The following HS6ST3 variants were observed in gnomAD, a reference collection of about 807,000 sequenced individuals.
HS6ST3 encodes the protein heparan-sulfate 6-O-sulfotransferase 3.
Under a neutral mutation model 36.7 loss-of-function variants are expected in HS6ST3, and 12 were observed. That is an observed-to-expected ratio of 0.33 (90% CI 0.21 to 0.53). The LOEUF (loss-of-function observed/expected upper bound fraction) is 0.53. Among genes scored for constraint, HS6ST3 ranks in the 20% least tolerant of loss-of-function variants. HS6ST3 has a pLI of 0.95. For missense variants in HS6ST3, 584 were observed against 640.9 expected (o/e 0.91, Z 0.96); for synonymous variants, 240 against 257.5 (o/e 0.93, Z 0.65).
intron 1 of HS6ST3, among the ~76,000 whole-genome samples, chr13:96,755,517 A>C (rs1162173211): frequency 2.0e-5 from 3 of 152,052 alleles, no homozygotes. Context: ...GGTGCCAGCC[A>C]CCATGCCTGG....
chr13:96,663,135 G>C (rs1018746679), intron 1 of HS6ST3, among the ~76,000 whole-genome samples: 1 of 152,168 alleles, frequency 6.6e-6, no homozygotes, highest in Non-Finnish European at 1.5e-5. Flanking sequence ...GGCTGGGGGA[G>C]CTCCTGGTGA....
intron 1 of HS6ST3, among the ~76,000 whole-genome samples, chr13:96,688,442 G>C (rs1419718139): frequency 6.6e-6 from 1 of 151,950 alleles, no homozygotes; most frequent in Non-Finnish European, 1.5e-5. Context: ...GATTGGTTTA[G>C]TCTGGATCCA....
chr13:96,427,545 TA>T (rs2055593319), intron 1 of HS6ST3, among the ~76,000 whole-genome samples: 1 of 151,776 alleles, frequency 6.6e-6, no homozygotes, highest in Admixed American at 6.6e-5. Flanking sequence ...ACATTATTTA[TA>T]TTATGATATA....
At chr13:96,707,373 T>C (rs1181243675) in intron 1 of HS6ST3, among the ~76,000 whole-genome samples, 1 of 152,180 alleles carries the variant, frequency 6.6e-6, no homozygotes, top group Non-Finnish European at 1.5e-5. Flanking sequence ...TTCCTAACTA[T>C]GAGAAATAAA....
At chr13:96,237,080 T>C (rs1363440624) in intron 1 of HS6ST3, among the ~76,000 whole-genome samples, 3 of 152,124 alleles carry the variant, frequency 2.0e-5, no homozygotes, top group Admixed American at 6.6e-5. Flanking sequence ...TCATGAGAAG[T>C]TGCTCAGGAG....
intron 1 of HS6ST3, among the ~76,000 whole-genome samples, chr13:96,346,030 C>G (rs146188455): frequency 6.6e-6 from 1 of 152,246 alleles, no homozygotes; most frequent in African/African-American, 2.4e-5. Context: ...ATAGTTTTCA[C>G]ACTCCTGTGA....
intron 1 of HS6ST3, among the ~76,000 whole-genome samples, chr13:96,585,251 G>A (rs143802175): frequency 8.6e-5 from 13 of 151,950 alleles, no homozygotes; most frequent in African/African-American, 2.9e-4. Flanking sequence ...ATAGGGTTTA[G>A]TTATGTTTTA....
chr13:96,665,412 A>C (rs556903052), intron 1 of HS6ST3, among the ~76,000 whole-genome samples: 1 of 152,300 alleles, frequency 6.6e-6, no homozygotes, highest in African/African-American at 2.4e-5. Context: ...AAAATAGGAA[A>C]ATAACTAACT....
At chr13:96,440,663 C>T (rs1300403699) in intron 1 of HS6ST3, among the ~76,000 whole-genome samples, 1 of 151,484 alleles carries the variant, frequency 6.6e-6, no homozygotes, top group Non-Finnish European at 1.5e-5. Flanking sequence ...GGGGGCTATG[C>T]ATGGACAATG....
intron 1 of HS6ST3, among the ~76,000 whole-genome samples, chr13:96,425,068 C>T (rs1387787635): frequency 3.3e-5 from 5 of 152,092 alleles, no homozygotes; most frequent in Admixed American, 2.6e-4. Flanking sequence ...GTATGACTAC[C>T]GGCCCTAGTG....
intron 1 of HS6ST3, among the ~76,000 whole-genome samples, chr13:96,711,547 G>A (rs1344815866): frequency 6.6e-6 from 1 of 152,160 alleles, no homozygotes; most frequent in Non-Finnish European, 1.5e-5. Context: ...GTCTTTGTCT[G>A]TCTTCACTCC....
chr13:96,291,931 C>T (rs552943507), intron 1 of HS6ST3, among the ~76,000 whole-genome samples: 1 of 152,112 alleles, frequency 6.6e-6, no homozygotes, highest in Non-Finnish European at 1.5e-5. Context: ...TGGTTTGTCT[C>T]ATTTGTCAAA....
At chr13:96,386,426 C>T (rs918777429) in intron 1 of HS6ST3, among the ~76,000 whole-genome samples, 3 of 152,168 alleles carry the variant, frequency 2.0e-5, no homozygotes, top group Non-Finnish European at 2.9e-5. Flanking sequence ...TTCCCTTAGC[C>T]TGACACGTTC....
chr13:96,140,009 AACTC>A (rs1449912893), intron 1 of HS6ST3, among the ~76,000 whole-genome samples: 2 of 152,130 alleles, frequency 1.3e-5, no homozygotes. Flanking sequence ...AATTTGAAAA[AACTC>A]ACAGATGAGC....
At chr13:96,386,060 T>C (rs1371933964) in intron 1 of HS6ST3, among the ~76,000 whole-genome samples, 1 of 151,782 alleles carries the variant, frequency 6.6e-6, no homozygotes, top group Non-Finnish European at 1.5e-5. Context: ...AGAAATGAGG[T>C]CATAAAAGAG....
chr13:96,197,504 C>T (rs2054320147), intron 1 of HS6ST3, among the ~76,000 whole-genome samples: 1 of 152,146 alleles, frequency 6.6e-6, no homozygotes, highest in African/African-American at 2.4e-5. Flanking sequence ...TATTTCAAAA[C>T]CAATCATGCC....
chr13:96,665,745 A>G (rs1283876951), intron 1 of HS6ST3, among the ~76,000 whole-genome samples: 1 of 152,160 alleles, frequency 6.6e-6, no homozygotes, highest in Non-Finnish European at 1.5e-5. Context: ...AATAGAACCC[A>G]TCTGAAGATC....
intron 1 of HS6ST3, among the ~76,000 whole-genome samples, chr13:96,165,860 ATGGCAGGGTACGGTGTTT>A (rs1425564555): frequency 2.0e-5 from 3 of 152,106 alleles, no homozygotes; most frequent in Non-Finnish European, 4.4e-5. Flanking sequence ...GAACTAAGTT[ATGGCAGGGTACGGTGTTT>A]TGGCAGGGTA....
chr13:96,345,591 T>C (rs1017808966), intron 1 of HS6ST3, among the ~76,000 whole-genome samples: 3 of 152,220 alleles, frequency 2.0e-5, no homozygotes, highest in Admixed American at 6.5e-5. Context: ...TCGTACCACA[T>C]TGTTTGTGGG....
Sources: allele counts gnomAD v4.1 joint callset (sites outside exome capture counted in the v4.1 genomes callset), GRCh38; gene constraint gnomAD v4.1.1; transcripts MANE v1.5; gene names NCBI Gene and HGNC (gene_info 2026-07-23, HGNC 2026-07-21).